Variants in CRACD observed in about 807,000 individuals in gnomAD.
CRACD encodes capping protein inhibiting regulator of actin dynamics.
In CRACD, 56 loss-of-function variants were observed where a neutral mutation model predicts 106.8. The observed-to-expected ratio is 0.52, with a 90% CI of 0.42 to 0.66. The LOEUF is 0.66. Ranked by LOEUF, CRACD falls within the 30% of genes least tolerant of loss-of-function variation. CRACD has a pLI of 0.00. For synonymous variants in CRACD, 754 were observed against 670.8 expected (o/e 1.12, Z -1.92); for missense variants, 1,730 against 1,623.2 (o/e 1.07, Z -1.13).
At chr4:56,186,247 A>C (rs1016625182) in intron 2 of CRACD, among the ~76,000 whole-genome samples, 1 of 152,230 alleles carries the variant, frequency 6.6e-6, no homozygotes, top group Non-Finnish European at 1.5e-5. Context: ...CTTAAGAATT[A>C]GGTTGGTGTA....
At chr4:56,219,370 CAG>C (rs1252847162) in intron 2 of CRACD, among the ~76,000 whole-genome samples, 8 of 152,162 alleles carry the variant, frequency 5.3e-5, no homozygotes, top group Non-Finnish European at 1.0e-4. Context: ...GTTTTTGAGA[CAG>C]AGTCTTGCTC....
intron 1 of CRACD, among the ~76,000 whole-genome samples, chr4:56,093,382 G>A (rs1452301414): frequency 2.6e-5 from 4 of 152,178 alleles, no homozygotes; most frequent in Non-Finnish European, 5.9e-5. Context: ...GGTTCATGAC[G>A]CGTATTCATT....
At chr4:56,129,633 C>T (rs753615711) in intron 1 of CRACD, among the ~76,000 whole-genome samples, 1 of 152,080 alleles carries the variant, frequency 6.6e-6, no homozygotes, top group Non-Finnish European at 1.5e-5. Context: ...GGAGGGCACT[C>T]GATGATGCAG....
chr4:56,236,900 G>A (rs1227158812), intron 2 of CRACD, among the ~76,000 whole-genome samples: 1 of 152,150 alleles, frequency 6.6e-6, no homozygotes, highest in South Asian at 2.1e-4. Context: ...AGATGGAGAG[G>A]CATGTGTTGT....
chr4:56,102,422 G>A (rs973490792), intron 1 of CRACD, among the ~76,000 whole-genome samples: 1 of 152,128 alleles, frequency 6.6e-6, no homozygotes, highest in African/African-American at 2.4e-5. Context: ...GAGGAAATGG[G>A]GGTAGAGAAA....
rs1745537681 is a variant in CRACD, at chr4:56,315,373, TGGA to T, written c.1876_1878del (p.Glu626del). 1.2e-6 allele frequency: 2 copies of T among 1,613,072 alleles called. No homozygotes were observed. ...ACCGCGTGCAAGTCCCTCCTGGGCT[TGGA>T]GGAGAAGAAGCACGCGGAAGCCCCA... On this transcript the variant is annotated inframe_deletion, in exon 8 of 11. Transcript: ENST00000682029. The surrounding 1 kb of genome is among the most constrained non-coding windows in gnomAD (Gnocchi z 4.1).
intron 2 of CRACD, among the ~76,000 whole-genome samples, chr4:56,250,503 A>G (rs1740989134): frequency 6.6e-6 from 1 of 152,240 alleles, no homozygotes; most frequent in African/African-American, 2.4e-5. Flanking sequence ...CTAGCTAGTA[A>G]GAGAATTGAG....
intron 2 of CRACD, among the ~76,000 whole-genome samples, chr4:56,239,997 C>G (rs1409493587): frequency 6.6e-6 from 1 of 150,688 alleles, no homozygotes; most frequent in Non-Finnish European, 1.5e-5. Flanking sequence ...TTTAACAGGA[C>G]TTTTAAAAGG....
intron 1 of CRACD, among the ~76,000 whole-genome samples, chr4:56,095,719 G>A (rs1733578602): frequency 6.6e-6 from 1 of 152,138 alleles, no homozygotes; most frequent in Non-Finnish European, 1.5e-5. Context: ...GCGTCAGAGA[G>A]ATGGAAAGTC....
chr4:56,116,660 T>A (rs1734295154), intron 1 of CRACD, among the ~76,000 whole-genome samples: 1 of 152,196 alleles, frequency 6.6e-6, no homozygotes, highest in African/African-American at 2.4e-5. Flanking sequence ...AGTGACATAG[T>A]GCATCTTCTT....
rs1174556676 is a variant in CRACD, at chr4:56,327,696, G to A, written c.3594G>A (p.Lys1198=). Residue 1198 remains lysine, a synonymous_variant, in exon 11 of 11, where the codon AAG becomes AAA. Coordinates refer to ENST00000682029, the MANE Select transcript of CRACD (RefSeq NM_001393381.1). The part of the protein sequence containing the change: ...PPAPLVKEVT[K]RFSTPDAAPV... ...CGCCGCTGGTAAAAGAAGTCACCAA[G>A]AGGTTTTCCACCCCGGATGCTGCCC... 6.2e-7 allele frequency: 1 copy of A among 1,614,126 alleles called. No individual in the cohort carries two copies. The highest frequency in any genetic ancestry group is 1.1e-5 in the South Asian group (1 of 91,074).
At chr4:56,277,471 A>G (rs1395637610) in intron 3 of CRACD, among the ~76,000 whole-genome samples, 1 of 151,490 alleles carries the variant, frequency 6.6e-6, no homozygotes, top group Non-Finnish European at 1.5e-5. Context: ...AAAAAAATAG[A>G]CAACACTGGA....
At chr4:56,198,781 G>A (rs2109469871) in intron 2 of CRACD, among the ~76,000 whole-genome samples, 1 of 152,084 alleles carries the variant, frequency 6.6e-6, no homozygotes, top group East Asian at 1.9e-4. Context: ...AAGTTGAAGG[G>A]GAAAATAAAC....
chr4:56,096,181 C>A (rs1220208780), intron 1 of CRACD, among the ~76,000 whole-genome samples: 1 of 152,058 alleles, frequency 6.6e-6, no homozygotes, highest in African/African-American at 2.4e-5. Context: ...AGGGAGAGAT[C>A]TGGGCTGGAA....
chr4:56,314,410 C>CGGAGCGGAGGGAGCGTAG lies in CRACD; in HGVS notation c.924_925insAGGGAGCGGAGGGAGCGT (p.Arg308_Glu309insArgGluArgArgGluArg). The CGGAGCGGAGGGAGCGTAG allele has an allele frequency of 5.2e-6, 8 of 1,540,992 alleles. No homozygotes were observed. Among genetic ancestry groups the CGGAGCGGAGGGAGCGTAG allele is most frequent in the African/African-American group, 1.4e-5 (1 of 72,302 alleles). The stretch of plus-strand genomic sequence containing the variant: ...CTGGAAGCGCCAGGTTGGGAGGACG[C>CGGAGCGGAGGGAGCGTAG]GGAGCGGAGGGAGCGTGAGGAGCGC... On this transcript the variant is annotated inframe_insertion, in exon 8 of 11. Coordinates refer to ENST00000682029, the MANE Select transcript of CRACD (RefSeq NM_001393381.1). This position sits in a 1 kb window ranked among gnomAD's most constrained non-coding sequence, Gnocchi z 4.4.
intron 5 of CRACD, among the ~76,000 whole-genome samples, chr4:56,308,280 T>G (rs1397632274): frequency 6.6e-6 from 1 of 151,950 alleles, no homozygotes; most frequent in Non-Finnish European, 1.5e-5. Flanking sequence ...GTACCTAGTC[T>G]GGAAAGAAAG....
At chr4:56,262,158 G>C (rs1476575455) in intron 2 of CRACD, among the ~76,000 whole-genome samples, 2 of 152,192 alleles carry the variant, frequency 1.3e-5, no homozygotes, top group African/African-American at 4.8e-5. Flanking sequence ...AAATTTGCCT[G>C]TGGACTTGGA....
intron 1 of CRACD, among the ~76,000 whole-genome samples, chr4:56,133,742 C>G (rs557821798): frequency 1.3e-5 from 2 of 152,180 alleles, no homozygotes; most frequent in South Asian, 4.2e-4. Context: ...AGTTCTTTCC[C>G]GTAAGGACTT....
chr4:56,082,905 G>A (rs1733083963), intron 1 of CRACD, among the ~76,000 whole-genome samples: 2 of 152,130 alleles, frequency 1.3e-5, no homozygotes, highest in African/African-American at 2.4e-5. Flanking sequence ...AAGTGCATTA[G>A]AAAGGTTGGG....
Sources: allele counts gnomAD v4.1 joint callset (sites outside exome capture counted in the v4.1 genomes callset), GRCh38; gene constraint gnomAD v4.1.1; non-coding constraint Gnocchi (gnomAD v3.1); transcripts MANE v1.5; gene names NCBI Gene and HGNC (gene_info 2026-07-23, HGNC 2026-07-21).